The following ADGRL4 variants were observed in gnomAD, a reference collection of about 807,000 sequenced individuals.
ADGRL4 encodes the protein EGF, latrophilin and seven transmembrane domain containing 1.
Under a neutral mutation model 74.8 loss-of-function variants are expected in ADGRL4, and 90 were observed. The observed-to-expected ratio is 1.20, with a 90% CI of 1.02 to 1.43. The LOEUF (loss-of-function observed/expected upper bound fraction) is 1.43, where lower values mean the gene tolerates loss of function less well. Among genes scored for constraint, ADGRL4 ranks in the 40% most tolerant of loss-of-function variants. ADGRL4 has a pLI of 0.00. For synonymous variants in ADGRL4, 311 were observed against 279.2 expected, an observed-to-expected ratio of 1.11 and a Z score of -1.14; for missense variants, 881 against 814.3, an observed-to-expected ratio of 1.08 and a Z score of -1.00.
At chr1:78,981,598 AT>A (rs1650398628) in intron 2 of ADGRL4, among the ~76,000 whole-genome samples, 1 of 151,932 alleles carries the variant, frequency 6.6e-6, no homozygotes, top group African/African-American at 2.4e-5. Flanking sequence ...AGCATTGATG[AT>A]CATTTTACCT....
At chr1:78,995,189 C>T (rs374282319) in intron 2 of ADGRL4, among the ~76,000 whole-genome samples, 6 of 152,152 alleles carry the variant, frequency 3.9e-5, no homozygotes, top group African/African-American at 1.4e-4. Context: ...CTTCTACTTA[C>T]GTTTAATGGT....
Position 78,891,133 on chromosome 1 carries a change from A to G in ADGRL4, c.*21T>C, listed in dbSNP as rs770077981. 1 of 1,610,196 alleles carries G rather than the reference A, an allele frequency of 6.2e-7. No individual in the cohort carries two copies. Among genetic ancestry groups the G allele is most frequent in the Non-Finnish European group, 8.5e-7 (1 of 1,177,116 alleles). On this transcript the variant is annotated 3_prime_UTR_variant, in exon 15 of 15. Coordinates refer to ENST00000370742, the MANE Select transcript of ADGRL4 (RefSeq NM_022159.4). ...GAATTTTTATTTTTGTGCAGTTGTA[A>G]TTATCCACCATTCTCTATGTTTACC...
At chr1:78,994,199 G>C (rs959841937) in intron 2 of ADGRL4, among the ~76,000 whole-genome samples, 7 of 152,164 alleles carry the variant, frequency 4.6e-5, no homozygotes, top group African/African-American at 1.7e-4. Flanking sequence ...TAAAGTTTAT[G>C]ATACTGAGTT....
In ADGRL4 at chr1:78,914,082, T is replaced by C. The variant is rs553813207; in HGVS notation, c.1749+3552A>G. 2.0e-5 allele frequency among the ~76,000 whole-genome samples: 3 copies of C among 151,928 alleles called. No homozygotes were observed. The South Asian group carries it at 6.2e-4, about 32-fold the overall frequency. On this transcript the variant is annotated intron_variant, in intron 12 of 14. Coordinates refer to ENST00000370742, the MANE Select transcript of ADGRL4 (RefSeq NM_022159.4). The stretch of plus-strand genomic sequence containing the variant: ...AACTACTTCTTGTTTTGCCGTTTGT[T>C]CTCCCTCAGAAGGAATCTGGCATGC...
intron 8 of ADGRL4, among the ~76,000 whole-genome samples, chr1:78,926,601 A>G (rs17102414): frequency 0.61 from 92,946 of 151,720 alleles, 28,646 homozygotes; most frequent in East Asian, 0.7. Flanking sequence ...CTTCGAAACC[A>G]TGGATATTTC....
intron 3 of ADGRL4, among the ~76,000 whole-genome samples, chr1:78,943,381 G>A (rs1267676769): frequency 2.0e-5 from 3 of 152,172 alleles, no homozygotes; most frequent in Non-Finnish European, 2.9e-5. Flanking sequence ...CTGGACTTCT[G>A]AAGTTCTGTT....
chr1:78,978,715 C>T (rs1256368699), intron 2 of ADGRL4, among the ~76,000 whole-genome samples: 1 of 151,926 alleles, frequency 6.6e-6, no homozygotes, highest in African/African-American at 2.4e-5. Context: ...AATTCATCCT[C>T]ACAAAAATTC....
intron 2 of ADGRL4, among the ~76,000 whole-genome samples, chr1:78,989,382 C>A (rs1650558982): frequency 6.6e-6 from 1 of 151,802 alleles, no homozygotes; most frequent in Non-Finnish European, 1.5e-5. Context: ...ATCCACCATA[C>A]TGACCAGGTG....
At chr1:78,926,577 T>C (rs1274831094) in intron 8 of ADGRL4, among the ~76,000 whole-genome samples, 1 of 152,020 alleles carries the variant, frequency 6.6e-6, no homozygotes, top group African/African-American at 2.4e-5. Context: ...TGTGATACTT[T>C]TTAATAACTC....
intron 2 of ADGRL4, among the ~76,000 whole-genome samples, chr1:78,970,936 C>G (rs1456670390): frequency 1.3e-5 from 2 of 152,154 alleles, no homozygotes; most frequent in Non-Finnish European, 2.9e-5. Context: ...AGTGTTTTTA[C>G]CAGTCGGGCT....
At chr1:78,900,602 T>C (rs1036298594) in intron 12 of ADGRL4, among the ~76,000 whole-genome samples, 10 of 152,154 alleles carry the variant, frequency 6.6e-5, no homozygotes, top group Admixed American at 5.2e-4. Context: ...GACTTTCCCC[T>C]TTGCTGTTCT....
intron 2 of ADGRL4, among the ~76,000 whole-genome samples, chr1:78,998,817 G>A (rs185176441): frequency 5.3e-5 from 8 of 152,286 alleles, no homozygotes; most frequent in Admixed American, 2.0e-4. Context: ...AGAGTAGTTT[G>A]AGGGTTATAT....
intron 3 of ADGRL4, among the ~76,000 whole-genome samples, chr1:78,942,137 G>A (rs1649498081): frequency 8.1e-6 from 1 of 124,108 alleles, no homozygotes; most frequent in African/African-American, 3.1e-5. Context: ...GAGCACCACT[G>A]CACTCCAGCC....
At chr1:78,915,018 T>C (rs868018703) in intron 12 of ADGRL4, among the ~76,000 whole-genome samples, 2 of 151,938 alleles carry the variant, frequency 1.3e-5, no homozygotes, top group Admixed American at 6.6e-5. Context: ...TCTTCAAAGA[T>C]GAATATCCAT....
intron 7 of ADGRL4, among the ~76,000 whole-genome samples, chr1:78,931,635 C>A (rs1458187545): frequency 6.6e-6 from 1 of 151,084 alleles, no homozygotes; most frequent in Non-Finnish European, 1.5e-5. Flanking sequence ...CACAGACTGG[C>A]AAATTGGATA....
intron 2 of ADGRL4, among the ~76,000 whole-genome samples, chr1:78,961,083 T>C (rs537442205): frequency 6.6e-6 from 1 of 152,268 alleles, no homozygotes; most frequent in Admixed American, 6.5e-5. Context: ...TGACTCTATA[T>C]ACTTCAGTAT....
At position 78,896,091 on chromosome 1, in the gene ADGRL4, G is replaced by C. The variant is rs551591142; in HGVS notation, c.1750-2902C>G. Among the ~76,000 whole-genome samples, 8 of 151,624 alleles carry C rather than the reference G, an allele frequency of 5.3e-5. No individual in the cohort carries two copies. The East Asian group carries it at 1.6e-3, about 30-fold the overall frequency. On this transcript the variant is annotated intron_variant, in intron 12 of 14. Transcript: ENST00000370742. ...CTATTTATGTACTCTCACTTCCTAG[G>C]TGATCAGACCCAATGGTTCATGCCA...
At chr1:78,902,461 G>C (rs551996059) in intron 12 of ADGRL4, among the ~76,000 whole-genome samples, 13 of 152,160 alleles carry the variant, frequency 8.5e-5, no homozygotes, top group African/African-American at 2.9e-4. Flanking sequence ...GGCAACAGAG[G>C]CAGAAAGAGG....
Position 78,920,303 on chromosome 1 carries a change from A to T in ADGRL4, c.1341T>A (p.Phe447Leu). The T allele has an allele frequency of 6.2e-7, 1 of 1,611,462 alleles. No individual in the cohort carries two copies. Among genetic ancestry groups the T allele is most frequent in the Non-Finnish European group, 8.5e-7 (1 of 1,178,238 alleles). Residue 447 changes from phenylalanine (F) to leucine (L), a missense_variant, in exon 10 of 15, where the codon TTT becomes TTA. Transcript: ENST00000370742. Reference protein sequence around the residue: ...ISLICLAICIFTFWFFSEIQS... With the variant: ...ISLICLAICILTFWFFSEIQS... The stretch of plus-strand genomic sequence containing the variant: ...GAATTTCACTGAAGAACCAGAAGGT[A>T]AAAATGCATATGGCAAGACAAATCA...
Sources: allele counts gnomAD v4.1 joint callset (sites outside exome capture counted in the v4.1 genomes callset), GRCh38; gene constraint gnomAD v4.1.1; transcripts MANE v1.5; gene names NCBI Gene and HGNC (gene_info 2026-07-23, HGNC 2026-07-21).